DHX35: variants seen among roughly 807,000 people sequenced by gnomAD.
The protein encoded by DHX35 is probable ATP-dependent RNA helicase DHX35.
A neutral mutation model predicts 99.6 loss-of-function variants in DHX35; 84 were observed. That is an observed-to-expected ratio of 0.84 (90% CI 0.71 to 1.01). The LOEUF (loss-of-function observed/expected upper bound fraction) is 1.01. Among genes scored for constraint, DHX35 ranks in the 50% least tolerant of loss-of-function variants. The pLI is 0.00. For synonymous variants in DHX35, 331 were observed against 316.2 expected (o/e 1.05, Z -0.50); for missense variants, 852 against 888.5 (o/e 0.96, Z 0.52).
chr20:39,003,845 G>T lies in DHX35; in HGVS notation c.949G>T (p.Ala317Ser). Reference sequence around the variant, plus strand: ...ACACCTCCGAGTTCTCCCCATGTATGCAGGACTGCCTTCCTTTGAGCAAAT... The same window carrying T: ...ACACCTCCGAGTTCTCCCCATGTATTCAGGACTGCCTTCCTTTGAGCAAAT... ...KRHLRVLPMY[A>S]GLPSFEQMKV... Residue 317 changes from alanine (A) to serine (S), a missense_variant, in exon 11 of 22, where the codon GCA (alanine) becomes TCA (serine). Ala to Ser is a moderately conservative substitution (Grantham distance 99). Coordinates refer to ENST00000252011, the MANE Select transcript of DHX35 (RefSeq NM_021931.4). 1 of 1,614,226 alleles carries T rather than the reference G, an allele frequency of 6.2e-7. No homozygotes were observed. Among genetic ancestry groups the T allele is most frequent in the South Asian group, 1.1e-5 (1 of 91,086 alleles).
chr20:38,977,787 G>A, intron 3 of DHX35: 1 of 485,692 alleles, frequency 2.1e-6, no homozygotes, highest in East Asian at 4.4e-5. Flanking sequence ...TTTTTTGAAG[G>A]ATTCTTGTCC....
At chr20:39,037,529 G>T (rs911192853) in intron 21 of DHX35, among the ~76,000 whole-genome samples, 2 of 152,068 alleles carry the variant, frequency 1.3e-5, no homozygotes, top group Admixed American at 6.5e-5. Flanking sequence ...CATTTTTTCA[G>T]GGCCTGCAGT....
chr20:38,999,777 C>A (rs1488554481), intron 8 of DHX35, among the ~76,000 whole-genome samples: 1 of 152,216 alleles, frequency 6.6e-6, no homozygotes, highest in Non-Finnish European at 1.5e-5. Context: ...CTGCCCTCCT[C>A]CAAAATGGCC....
chr20:39,011,037 C>T (rs117705163), intron 13 of DHX35, among the ~76,000 whole-genome samples: 4,053 of 152,082 alleles, frequency 0.027, 75 homozygotes, highest in Middle Eastern at 0.054. Context: ...ATTTGATTGG[C>T]CAGAGAGAGG....
chr20:39,012,257 A>G (rs1359163348), intron 13 of DHX35, among the ~76,000 whole-genome samples: 1 of 152,186 alleles, frequency 6.6e-6, no homozygotes, highest in Non-Finnish European at 1.5e-5. Context: ...TTAAAAAAAA[A>G]GAAAAGATAA....
rs140189570 is a variant in DHX35, at chr20:38,983,714, G to T, written c.283G>T (p.Gly95Cys). 2 of 1,614,076 alleles carry T rather than the reference G, an allele frequency of 1.2e-6. No individual in the cohort carries two copies. The highest frequency in any genetic ancestry group is 1.1e-5 in the South Asian group (1 of 91,076). ...TTGTTTGTAGTACCTTGCAGAAGCC[G>T]GCTGGACAGCTGAAGGAAGAGTGGT... ...TQIPQYLAEAGWTAEGRVVGV... is the reference protein window; with the variant it reads ...TQIPQYLAEACWTAEGRVVGV... The change falls in exon 4 of 22, where the codon GGC becomes TGC. Residue 95 changes from glycine to cysteine, a missense_variant. Gly to Cys is a radical substitution (Grantham distance 159). Coordinates refer to ENST00000252011, the MANE Select transcript of DHX35 (RefSeq NM_021931.4).
chr20:38,965,990 G>T (rs2085904719), intron 1 of DHX35, among the ~76,000 whole-genome samples: 1 of 152,198 alleles, frequency 6.6e-6, no homozygotes, highest in African/African-American at 2.4e-5. Context: ...AGAAAAAGTT[G>T]TTCATAAACA....
rs371104826 is a variant in DHX35, at chr20:39,038,580, G to A, written c.*37G>A. 2.2e-5 allele frequency: 35 copies of A among 1,600,814 alleles called. No homozygotes were observed. In the East Asian group the frequency reaches 5.2e-4, roughly 24 times the overall value. On this transcript the variant is annotated 3_prime_UTR_variant, in exon 22 of 22. Transcript: ENST00000252011. ...AGCTACAGCTGCAGGGACTGCTGGC[G>A]TCCTCTCCTCCATGCTGCTGCCCCT...
At chr20:38,993,504 G>A (rs1340040353) in intron 7 of DHX35, among the ~76,000 whole-genome samples, 1 of 152,102 alleles carries the variant, frequency 6.6e-6, no homozygotes, top group Non-Finnish European at 1.5e-5. Flanking sequence ...GGGATTACAG[G>A]CATTTGCCAC....
chr20:38,970,101 ATC>A (rs1247791851), intron 2 of DHX35, among the ~76,000 whole-genome samples: 2 of 151,290 alleles, frequency 1.3e-5, no homozygotes, highest in Admixed American at 6.6e-5. Flanking sequence ...CTGTCTGTCT[ATC>A]TATCAGACAG....
At chr20:38,966,583 C>T (rs1474751372) in intron 1 of DHX35, among the ~76,000 whole-genome samples, 2 of 152,172 alleles carry the variant, frequency 1.3e-5, no homozygotes, top group Non-Finnish European at 2.9e-5. Flanking sequence ...GCAGGAGAGT[C>T]GCTTGAACCT....
At chr20:39,016,209 A>AG (rs1333928948) in intron 14 of DHX35, among the ~76,000 whole-genome samples, 1 of 152,198 alleles carries the variant, frequency 6.6e-6, no homozygotes, top group Non-Finnish European at 1.5e-5. Context: ...AGAGAAACAG[A>AG]GGAAGCCAGG....
intron 1 of DHX35, among the ~76,000 whole-genome samples, chr20:38,966,221 C>T (rs978666596): frequency 2.0e-5 from 3 of 152,228 alleles, no homozygotes; most frequent in Admixed American, 6.5e-5. Flanking sequence ...TTGTTACTCC[C>T]TTAAGCATAG....
chr20:38,969,352 T>C (rs531723712), intron 2 of DHX35, 138 bp downstream of exon 2: 74 of 1,057,202 alleles, frequency 7.0e-5, no homozygotes, highest in Non-Finnish European at 9.1e-5. Context: ...AGGGATGACT[T>C]TTCATACTGT....
At chr20:39,023,651 C>T (rs776885112) in intron 16 of DHX35, 39 bp from the exon 17 acceptor site, 2 of 1,594,248 alleles carry the variant, frequency 1.3e-6, no homozygotes, top group East Asian at 2.2e-5. Flanking sequence ...CCACACCCAG[C>T]AAAGAGTGAA....
intron 14 of DHX35, among the ~76,000 whole-genome samples, chr20:39,015,384 T>G (rs575748848): frequency 6.6e-6 from 1 of 152,300 alleles, no homozygotes; most frequent in Non-Finnish European, 1.5e-5. Context: ...AACACCATGT[T>G]ACGGGGGAAC....
chr20:38,964,395 A>C (rs1205230676), intron 1 of DHX35, among the ~76,000 whole-genome samples: 1 of 152,034 alleles, frequency 6.6e-6, no homozygotes, highest in African/African-American at 2.4e-5. Flanking sequence ...TCTTCATGAC[A>C]AGTTAAAAAG....
chr20:38,986,213 A>G (rs1448804745), intron 4 of DHX35, among the ~76,000 whole-genome samples: 1 of 132,216 alleles, frequency 7.6e-6, no homozygotes, highest in Admixed American at 7.6e-5. Flanking sequence ...TTGGTCTTTT[A>G]CCTCCCTTTC....
chr20:38,978,669 T>G (rs113573230), intron 3 of DHX35, among the ~76,000 whole-genome samples: 5 of 152,260 alleles, frequency 3.3e-5, no homozygotes, highest in African/African-American at 1.2e-4. Context: ...TTGTTTTCAT[T>G]GCTGAACAGA....
Sources: gnomAD v4.1 joint callset for allele counts (sites outside exome capture counted in the v4.1 genomes callset) on GRCh38, gnomAD v4.1.1 for gene constraint, MANE v1.5 for transcripts, NCBI Gene and HGNC (gene_info 2026-07-23, HGNC 2026-07-21) for gene names.